The following KCNH1 variants were observed in gnomAD, a reference collection of about 807,000 sequenced individuals.
KCNH1 encodes the protein potassium voltage-gated channel subfamily H member 1.
In KCNH1, 27 loss-of-function variants were observed where a neutral mutation model predicts 69.2. The ratio of observed to expected loss-of-function variants is 0.39; its 90% CI spans 0.29 to 0.54. The LOEUF (loss-of-function observed/expected upper bound fraction) is 0.54, where lower values mean the gene tolerates loss of function less well. KCNH1 is among the 20% of genes least tolerant of loss of function. KCNH1 has a pLI of 0.68. For missense variants in KCNH1, 798 were observed against 1,261.6 expected, an observed-to-expected ratio of 0.63 and a Z score of 5.57; for synonymous variants, 456 against 487.7, an observed-to-expected ratio of 0.93 and a Z score of 0.86.
In KCNH1 at chr1:210,738,285, G is replaced by A. The variant is rs539064612; in HGVS notation, c.2112+37063C>T. ...GTGAAGGCTTCTCTGGCCACTCTAC[G>A]TCAAGTGATCCATGAAGGCAGTGAC... On this transcript the variant is annotated intron_variant, in intron 10 of 10. Coordinates refer to ENST00000271751, the MANE Select transcript of KCNH1 (RefSeq NM_172362.3). Among the ~76,000 whole-genome samples, 4 of 152,258 alleles carry A rather than the reference G, an allele frequency of 2.6e-5. No individual in the cohort carries two copies. In the South Asian group the frequency reaches 6.2e-4, roughly 24 times the overall value.
At chr1:210,803,246 G>A (rs1177130833) in intron 8 of KCNH1, among the ~76,000 whole-genome samples, 1 of 152,200 alleles carries the variant, frequency 6.6e-6, no homozygotes, top group South Asian at 2.1e-4. Flanking sequence ...GGAACTACAG[G>A]TGCTGCCACC....
chr1:210,765,978 G>C (rs1683622421), intron 10 of KCNH1, among the ~76,000 whole-genome samples: 1 of 151,914 alleles, frequency 6.6e-6, no homozygotes, highest in South Asian at 2.1e-4. Flanking sequence ...CAGGAGAATT[G>C]CTTGAACCCG....
At chr1:210,870,591 A>G (rs1466482988) in intron 7 of KCNH1, among the ~76,000 whole-genome samples, 1 of 152,110 alleles carries the variant, frequency 6.6e-6, no homozygotes. Flanking sequence ...TAATGTTCTT[A>G]TCCTTGTCCC....
At chr1:210,848,523 TG>T (rs2102463463) in intron 7 of KCNH1, among the ~76,000 whole-genome samples, 1 of 152,334 alleles carries the variant, frequency 6.6e-6, no homozygotes, top group African/African-American at 2.4e-5. Context: ...CTGACATTAC[TG>T]GCCTTCTATG....
chr1:211,128,068 A>ATCACAAGTGAATGATTTGTT (rs1321807786), intron 1 of KCNH1, among the ~76,000 whole-genome samples: 1 of 152,096 alleles, frequency 6.6e-6, no homozygotes, highest in Non-Finnish European at 1.5e-5. Flanking sequence ...AGGCGGGCGG[A>ATCACAAGTGAATGATTTGTT]TCACAAGGTC....
intron 10 of KCNH1, among the ~76,000 whole-genome samples, chr1:210,745,586 G>T (rs1201520289): frequency 6.6e-6 from 1 of 152,106 alleles, no homozygotes; most frequent in African/African-American, 2.4e-5. Context: ...GGGTCTCCTG[G>T]CATCTCCATA....
chr1:210,756,915 T>C (rs1186692189), intron 10 of KCNH1, among the ~76,000 whole-genome samples: 1 of 152,176 alleles, frequency 6.6e-6, no homozygotes, highest in Non-Finnish European at 1.5e-5. Flanking sequence ...GGAAGCTGGA[T>C]AGTGATTTCT....
chr1:210,744,106 T>C (rs1683095518), intron 10 of KCNH1, among the ~76,000 whole-genome samples: 1 of 152,088 alleles, frequency 6.6e-6, no homozygotes, highest in Non-Finnish European at 1.5e-5. Flanking sequence ...GCTCTCTCAT[T>C]TTTCCTGTAG....
intron 5 of KCNH1, among the ~76,000 whole-genome samples, chr1:211,076,723 T>C (rs1690740728): frequency 6.6e-6 from 1 of 152,194 alleles, no homozygotes; most frequent in Non-Finnish European, 1.5e-5. Context: ...TCGCAGCTCC[T>C]CGCCAGCAAT....
At chr1:210,684,199 C>T in intron 10 of KCNH1, 61 bp from the exon 11 acceptor site, 1 of 1,454,994 alleles carries the variant, frequency 6.9e-7, no homozygotes, top group Admixed American at 2.5e-5. Flanking sequence ...TGCAGCAGCC[C>T]AGCTCAGCCC....
chr1:210,991,405 G>T (rs752043720), intron 6 of KCNH1, among the ~76,000 whole-genome samples: 3 of 152,130 alleles, frequency 2.0e-5, no homozygotes, highest in Non-Finnish European at 4.4e-5. Context: ...ATCAAAAAAA[G>T]TCAAACCCGT....
At chr1:211,078,953 A>G (rs1690793627) in intron 5 of KCNH1, among the ~76,000 whole-genome samples, 1 of 151,336 alleles carries the variant, frequency 6.6e-6, no homozygotes, top group Non-Finnish European at 1.5e-5. Context: ...AAAGAAAGAA[A>G]TAACTAAGAT....
At chr1:210,981,391 A>T (rs1688707729) in intron 6 of KCNH1, among the ~76,000 whole-genome samples, 1 of 151,422 alleles carries the variant, frequency 6.6e-6, no homozygotes, top group Non-Finnish European at 1.5e-5. Flanking sequence ...AAAAAAAAAA[A>T]AGAATCATCC....
Position 210,683,301 on chromosome 1 carries a change from C to T in KCNH1, c.2950G>A (p.Asp984Asn), listed in dbSNP as rs374239901. 1 of 1,613,224 alleles carries T rather than the reference C, an allele frequency of 6.2e-7. No individual in the cohort carries two copies. The highest frequency in any genetic ancestry group is 8.5e-7 in the Non-Finnish European group (1 of 1,179,626). Residue 984 changes from aspartate (D) to asparagine (N), a missense_variant, in exon 11 of 11, where the codon GAC becomes AAC. Asp to Asn is a conservative substitution (Grantham distance 23, BLOSUM62 1). Coordinates refer to ENST00000271751, the MANE Select transcript of KCNH1 (RefSeq NM_172362.3). The surrounding 1 kb of genome is among the most constrained non-coding windows in gnomAD (Gnocchi z 5.7). ...ACCTCTCAGCTGGCTCCAAAAATGT[C>T]TCTCTCTGATTCTGGGGACTGTGGC... ...SRPQSPESER[D>N]IFGAS is the part of the protein sequence containing the mutation.
Position 211,019,020 on chromosome 1 carries a change from A to T in KCNH1, c.795T>A (p.Ile265=). Residue 265 remains isoleucine (I), a synonymous_variant, in exon 6 of 11, where the codon ATT becomes ATA. Transcript: ENST00000271751. ...CAAAGGTGGTATGAAAATTGAGCAC[A>T]ATGTCCACCAAAAAGATAACATCCA... ...SIVDVIFLVD[I]VLNFHTTFVG... 2 of 1,614,070 alleles carry T rather than the reference A, an allele frequency of 1.2e-6. No homozygotes were observed. Among genetic ancestry groups the T allele is most frequent in the Non-Finnish European group, 1.7e-6 (2 of 1,179,982 alleles).
chr1:210,931,489 G>A (rs1176804176), intron 6 of KCNH1, among the ~76,000 whole-genome samples: 1 of 152,032 alleles, frequency 6.6e-6, no homozygotes, highest in Non-Finnish European at 1.5e-5. Context: ...GCCTAAGAAT[G>A]ATACATTGGA....
At chr1:210,965,356 C>G (rs1432719722) in intron 6 of KCNH1, among the ~76,000 whole-genome samples, 1 of 152,140 alleles carries the variant, frequency 6.6e-6, no homozygotes, top group East Asian at 1.9e-4. Context: ...AAAACCCCAT[C>G]ATCTCAGCCC....
chr1:210,997,586 C>G (rs1035126028), intron 6 of KCNH1, among the ~76,000 whole-genome samples: 58 of 152,198 alleles, frequency 3.8e-4, no homozygotes, highest in Admixed American at 3.8e-3. Flanking sequence ...GGAAAACACT[C>G]TGCAGGATAT....
Position 211,082,714 on chromosome 1 carries a change from G to T in KCNH1, c.558+66C>A, listed in dbSNP as rs1196100461. 6 of 1,253,278 alleles carry T rather than the reference G, an allele frequency of 4.8e-6. No homozygotes were observed. In the African/African-American group the frequency reaches 7.4e-5, roughly 15 times the overall value. 77.6% of individuals were successfully genotyped at this position (1,253,278 alleles called of 1,614,324 possible). A position where few individuals can be genotyped will look rare whatever the true frequency, so the allele number is the denominator to read the frequency against. ...TCCATGATTAGCACACTAGTTTTGT[G>T]CCATTGCCTCAGCCCATGCACCCCC... On this transcript the variant is annotated intron_variant, in intron 5 of 10. Transcript: ENST00000271751.
Sources: allele counts gnomAD v4.1 joint callset (sites outside exome capture counted in the v4.1 genomes callset), GRCh38; gene constraint gnomAD v4.1.1; non-coding constraint Gnocchi (gnomAD v3.1); transcripts MANE v1.5; gene names NCBI Gene and HGNC (gene_info 2026-07-23, HGNC 2026-07-21).